PXDNL: variants seen among roughly 807,000 people sequenced by gnomAD.
PXDNL encodes the protein probable oxidoreductase PXDNL.
PXDNL carries 145 observed loss-of-function variants against 150.8 expected under a neutral mutation model. The ratio of observed to expected loss-of-function variants is 0.96; its 90% CI spans 0.84 to 1.10. The LOEUF is 1.10. Among genes scored for constraint, PXDNL ranks in the 50% least tolerant of loss-of-function variants. The pLI, the probability that PXDNL is intolerant of heterozygous loss-of-function variation, is 0.00. For synonymous variants in PXDNL, 757 were observed against 725.7 expected, an observed-to-expected ratio of 1.04 and a Z score of -0.69; for missense variants, 2,087 against 1,873.9, an observed-to-expected ratio of 1.11 and a Z score of -2.10.
chr8:51,570,193 T>C lies in PXDNL; in HGVS notation c.309-13282A>G, dbSNP rs151153565. Among the ~76,000 whole-genome samples, 1,070 of 151,996 alleles carry C rather than the reference T, an allele frequency of 7.0e-3. 6 individuals are homozygous for C. Among genetic ancestry groups the C allele is most frequent in the Non-Finnish European group, 0.01 (704 of 67,908 alleles). On this transcript the variant is annotated intron_variant, in intron 3 of 22. Coordinates refer to ENST00000356297, the MANE Select transcript of PXDNL (RefSeq NM_144651.5). ...GAAGAAATCCATCATTTTCCCTGGA[T>C]GGGGCAGTATGAAGAGTCTGGCAGA...
intron 2 of PXDNL, among the ~76,000 whole-genome samples, chr8:51,634,069 A>G (rs1199858168): frequency 1.3e-5 from 2 of 152,106 alleles, no homozygotes; most frequent in African/African-American, 4.8e-5. Flanking sequence ...CAGCATCCAG[A>G]ATGGTATTTC....
chr8:51,690,168 TTTG>T (rs1449745627), intron 1 of PXDNL, among the ~76,000 whole-genome samples: 2 of 152,208 alleles, frequency 1.3e-5, no homozygotes, highest in African/African-American at 4.8e-5. Context: ...TTTTTCTTTT[TTTG>T]TTGTTATTAT....
chr8:51,599,711 GATGTCATTTAT>G, intron 2 of PXDNL, among the ~76,000 whole-genome samples: 1 of 122,448 alleles, frequency 8.2e-6, no homozygotes. Context: ...TTATATAAAT[GATGTCATTTAT>G]ATAATAAATT....
chr8:51,353,218 C>A (rs1235166889), intron 19 of PXDNL, among the ~76,000 whole-genome samples: 1 of 149,594 alleles, frequency 6.7e-6, no homozygotes, highest in Non-Finnish European at 1.5e-5. Context: ...TATATAATTT[C>A]TTATAGTTAT....
chr8:51,468,020 A>T (rs532811895), intron 8 of PXDNL, among the ~76,000 whole-genome samples: 1 of 152,148 alleles, frequency 6.6e-6, no homozygotes, highest in Non-Finnish European at 1.5e-5. Context: ...TTTAAATTGT[A>T]ATAAAAGAAA....
intron 2 of PXDNL, among the ~76,000 whole-genome samples, chr8:51,608,662 C>A (rs1238356909): frequency 6.7e-6 from 1 of 148,776 alleles, no homozygotes; most frequent in African/African-American, 2.5e-5. Flanking sequence ...ACGGTGAAAC[C>A]CCGTCTTTAC....
chr8:51,786,685 C>A (rs997824498), intron 1 of PXDNL, among the ~76,000 whole-genome samples: 3 of 152,108 alleles, frequency 2.0e-5, no homozygotes, highest in Non-Finnish European at 4.4e-5. Flanking sequence ...CATAAAAGTA[C>A]AAGGTGAAGC....
chr8:51,592,727 C>A (rs989367020), intron 2 of PXDNL, 29 bp from the exon 3 acceptor site: 1 of 1,484,038 alleles, frequency 6.7e-7, no homozygotes. Context: ...ACAAATAATT[C>A]CCAAATGAGA....
chr8:51,388,406 C>T (rs567208031), intron 17 of PXDNL, among the ~76,000 whole-genome samples: 9 of 152,148 alleles, frequency 5.9e-5, no homozygotes, highest in South Asian at 4.2e-4. Context: ...TTTATTCTTT[C>T]CAACTTGAGT....
intron 17 of PXDNL, among the ~76,000 whole-genome samples, chr8:51,384,842 A>G (rs2130820674): frequency 6.6e-6 from 1 of 152,290 alleles, no homozygotes; most frequent in African/African-American, 2.4e-5. Flanking sequence ...AGAGTACAGA[A>G]TATAGAACTC....
At chr8:51,601,797 G>GTTT (rs71550273) in intron 2 of PXDNL, among the ~76,000 whole-genome samples, 12,446 of 146,564 alleles carry the variant, frequency 0.085, 583 homozygotes, top group South Asian at 0.097. Flanking sequence ...TCTATTGTGG[G>GTTT]TTTTTTTTTT....
intron 17 of PXDNL, among the ~76,000 whole-genome samples, chr8:51,396,598 A>C (rs190559670): frequency 7.5e-4 from 114 of 152,240 alleles, no homozygotes; most frequent in Non-Finnish European, 1.5e-3. Context: ...CTCTACTAAA[A>C]ATACAAAAAT....
chr8:51,342,845 G>A (rs1257223335), intron 20 of PXDNL, among the ~76,000 whole-genome samples: 1 of 134,832 alleles, frequency 7.4e-6, no homozygotes, highest in Non-Finnish European at 1.5e-5. Flanking sequence ...ATATAGAGCT[G>A]TTAAACTGCA....
intron 4 of PXDNL, among the ~76,000 whole-genome samples, chr8:51,500,062 T>G (rs1811150372): frequency 6.6e-6 from 1 of 152,146 alleles, no homozygotes; most frequent in Non-Finnish European, 1.5e-5. Context: ...GTTGTTGAAA[T>G]TACTCTTTTA....
intron 1 of PXDNL, among the ~76,000 whole-genome samples, chr8:51,698,503 A>C (rs558704443): frequency 2.0e-4 from 30 of 152,252 alleles, no homozygotes; most frequent in Admixed American, 8.5e-4. Context: ...TTCTAATTTT[A>C]GTTCTCTTGC....
chr8:51,367,971 T>C (rs756047796), intron 19 of PXDNL, among the ~76,000 whole-genome samples: 37 of 151,932 alleles, frequency 2.4e-4, no homozygotes, highest in African/African-American at 8.7e-4. Flanking sequence ...GTACTAAAAA[T>C]ACAAAAATTA....
intron 2 of PXDNL, among the ~76,000 whole-genome samples, chr8:51,618,127 C>G (rs1366314695): frequency 6.6e-6 from 1 of 152,242 alleles, no homozygotes; most frequent in Non-Finnish European, 1.5e-5. Context: ...CCTCGCCACA[C>G]AAGCTGCCAG....
chr8:51,585,588 C>A (rs1234449044), intron 3 of PXDNL, among the ~76,000 whole-genome samples: 2 of 152,022 alleles, frequency 1.3e-5, no homozygotes, highest in Non-Finnish European at 2.9e-5. Flanking sequence ...CATCAAAAAA[C>A]CTTTAGTAGA....
chr8:51,532,295 A>G (rs919103608), intron 4 of PXDNL, among the ~76,000 whole-genome samples: 2 of 151,630 alleles, frequency 1.3e-5, no homozygotes, highest in African/African-American at 4.9e-5. Context: ...ATTCTCATGA[A>G]GACCCAGAAC....
Sources: gnomAD v4.1 joint callset for allele counts (sites outside exome capture counted in the v4.1 genomes callset) on GRCh38, gnomAD v4.1.1 for gene constraint, MANE v1.5 for transcripts, NCBI Gene and HGNC (gene_info 2026-07-23, HGNC 2026-07-21) for gene names.